PCLO: variants seen among roughly 807,000 people sequenced by gnomAD.
PCLO encodes protein piccolo.
PCLO carries 82 observed loss-of-function variants against 427.5 expected under a neutral mutation model. The ratio of observed to expected loss-of-function variants is 0.19; its 90% CI spans 0.16 to 0.23. The LOEUF (loss-of-function observed/expected upper bound fraction) is 0.23, where lower values mean the gene tolerates loss of function less well. PCLO is among the 10% of genes least tolerant of loss of function. The probability of loss-of-function intolerance (pLI) is 1.00; values close to 1 mark genes in which losing one functional copy is unlikely to be tolerated. For synonymous variants in PCLO, 2,357 were observed against 2,155.4 expected, an observed-to-expected ratio of 1.09 and a Z score of -2.59; for missense variants, 6,239 against 6,115.9, an observed-to-expected ratio of 1.02 and a Z score of -0.67.
intron 3 of PCLO, among the ~76,000 whole-genome samples, chr7:83,077,275 G>C (rs1020610159): frequency 1.3e-5 from 2 of 152,002 alleles, no homozygotes; most frequent in African/African-American, 4.8e-5. Context: ...CTCTTTTCCA[G>C]CTTGTGTGAC....
At chr7:83,112,390 T>C (rs983970437) in intron 3 of PCLO, among the ~76,000 whole-genome samples, 1 of 152,112 alleles carries the variant, frequency 6.6e-6, no homozygotes, top group African/African-American at 2.4e-5. Context: ...AATAAACTAT[T>C]ATAACAATCT....
Position 82,847,132 on chromosome 7 carries a change from A to T in PCLO, c.13763+7T>A. On this transcript the variant is annotated splice_region_variant and intron_variant, in intron 11 of 24. Coordinates refer to ENST00000333891, the MANE Select transcript of PCLO (RefSeq NM_033026.6). The stretch of plus-strand genomic sequence containing the variant: ...AAATGGAAACAGAAAGATGGGGAAA[A>T]ACTCACAGTCTTACACATATTTCTG... The T allele has an allele frequency of 1.4e-6, 2 of 1,481,110 alleles. No homozygotes were observed. The highest frequency in any genetic ancestry group is 1.9e-6 in the Non-Finnish European group (2 of 1,065,930). 91.7% of individuals were successfully genotyped at this position (1,481,110 alleles called of 1,614,324 possible).
intron 3 of PCLO, among the ~76,000 whole-genome samples, chr7:83,090,450 AC>A (rs1790350767): frequency 6.6e-6 from 1 of 152,180 alleles, no homozygotes; most frequent in Non-Finnish European, 1.5e-5. Context: ...AAAGTTTTCA[AC>A]CAACAATAAA....
intron 4 of PCLO, among the ~76,000 whole-genome samples, chr7:82,960,671 T>G (rs1584224813): frequency 6.6e-6 from 1 of 152,306 alleles, no homozygotes; most frequent in East Asian, 1.9e-4. Flanking sequence ...AGGATTAATT[T>G]TAATGCTATT....
intron 9 of PCLO, among the ~76,000 whole-genome samples, chr7:82,886,712 T>C (rs1158102536): frequency 1.3e-5 from 2 of 152,160 alleles, no homozygotes; most frequent in African/African-American, 2.4e-5. Context: ...AGTTATTTAG[T>C]ACAGTTATTT....
chr7:83,135,632 A>G lies in PCLO; in HGVS notation c.1918T>C (p.Cys640Arg). The change falls in exon 3 of 25, where the codon TGT becomes CGT. Residue 640 changes from cysteine (C) to arginine (R), a missense_variant. Coordinates refer to ENST00000333891, the MANE Select transcript of PCLO (RefSeq NM_033026.6). ...TEVKEWLCLN[C>R]QMKRALGGDL... is the part of the protein sequence containing the mutation. ...CCGCCTAGAGCTCTTTTCATTTGACAGTTCAAACAGAGCCACTCTTTTACC... is the reference window on the plus strand; with the variant it reads ...CCGCCTAGAGCTCTTTTCATTTGACGGTTCAAACAGAGCCACTCTTTTACC... 6.2e-7 allele frequency: 1 copy of G among 1,604,370 alleles called. No individual in the cohort carries two copies. The highest frequency in any genetic ancestry group is 8.5e-7 in the Non-Finnish European group (1 of 1,174,780).
chr7:82,910,279 C>A (rs1351126121), intron 7 of PCLO, among the ~76,000 whole-genome samples: 2 of 152,068 alleles, frequency 1.3e-5, no homozygotes, highest in South Asian at 2.1e-4. Context: ...CTCCTCCCAA[C>A]CTTTTCCCCT....
chr7:82,985,941 T>C (rs1036300092), intron 3 of PCLO, among the ~76,000 whole-genome samples: 6 of 151,970 alleles, frequency 3.9e-5, no homozygotes, highest in African/African-American at 1.4e-4. Context: ...GAAACAAATA[T>C]TCATTTTAGT....
At position 82,956,796 on chromosome 7, in the gene PCLO, T is replaced by C. The variant is rs1393077132; in HGVS notation, c.4157A>G (p.Lys1386Arg). 6.2e-7 allele frequency: 1 copy of C among 1,613,560 alleles called. No individual in the cohort carries two copies. The highest frequency in any genetic ancestry group is 8.5e-7 in the Non-Finnish European group (1 of 1,179,652). ...CTTTTTGAGTCCCTTGAGAATATCC[T>C]TTTCATCAGTTGGAATAAGACTTGG... The part of the protein sequence containing the change: ...EIPSLIPTDE[K>R]DILKGLKKDS... Residue 1386 changes from lysine to arginine, a missense_variant, in exon 5 of 25, where the codon AAG (lysine) becomes AGG (arginine). Lys to Arg is a conservative substitution (Grantham distance 26). Transcript: ENST00000333891.
In PCLO at chr7:83,155,526, G is replaced by A. The variant is rs376013842; in HGVS notation, c.1115C>T (p.Pro372Leu). The change falls in exon 2 of 25, where the codon CCA becomes CTA. Residue 372 changes from proline (P) to leucine (L), a missense_variant. By Grantham distance (98) the Pro-to-Leu change is moderately conservative. This residue lies in a region of PCLO where 4,677 missense variants were observed against 4,468.4 expected (regional missense o/e 1.05). Coordinates refer to ENST00000333891, the MANE Select transcript of PCLO (RefSeq NM_033026.6). ...PAQPLGPAKPPAQQTGSEKPS... is the reference protein window; with the variant it reads ...PAQPLGPAKPLAQQTGSEKPS... Reference sequence around the variant, plus strand: ...CTTCTCTGACCCAGTCTGCTGAGCTGGAGGCTTAGCAGGACCAAGAGGCTG... The same window carrying A: ...CTTCTCTGACCCAGTCTGCTGAGCTAGAGGCTTAGCAGGACCAAGAGGCTG... The A allele has an allele frequency of 7.4e-6, 12 of 1,612,646 alleles. No individual in the cohort carries two copies. The highest frequency in any genetic ancestry group is 1.7e-5 in the Admixed American group (1 of 59,850).
chr7:82,965,131 T>C (rs934843793), intron 4 of PCLO, among the ~76,000 whole-genome samples: 10 of 152,164 alleles, frequency 6.6e-5, no homozygotes, highest in African/African-American at 2.4e-4. Context: ...GAAAAGAATA[T>C]TTTTCCAAAT....
chr7:82,785,218 C>T (rs1185039170), intron 22 of PCLO, among the ~76,000 whole-genome samples: 4 of 152,058 alleles, frequency 2.6e-5, no homozygotes, highest in African/African-American at 9.7e-5. Context: ...ACTGTTTCAT[C>T]TCAGATCATC....
chr7:82,849,982 T>C (rs1165233187), intron 10 of PCLO, among the ~76,000 whole-genome samples: 1 of 150,190 alleles, frequency 6.7e-6, no homozygotes, highest in Non-Finnish European at 1.5e-5. Context: ...TCCTTGAAAG[T>C]ACCTATTTAA....
intron 3 of PCLO, among the ~76,000 whole-genome samples, chr7:83,056,350 C>T (rs1416800575): frequency 6.6e-6 from 1 of 152,092 alleles, no homozygotes. Context: ...GAATAACAGA[C>T]AACAAACAGA....
chr7:82,952,231 T>C lies in PCLO; in HGVS notation c.8722A>G (p.Thr2908Ala). The C allele has an allele frequency of 6.2e-7, 1 of 1,613,924 alleles. No individual in the cohort carries two copies. Among genetic ancestry groups the C allele is most frequent in the Non-Finnish European group, 8.5e-7 (1 of 1,179,846 alleles). The change falls in exon 5 of 25, where the codon ACA (threonine) becomes GCA (alanine). Residue 2908 changes from threonine to alanine, a missense_variant. Physicochemically the swap from Thr to Ala is moderately conservative, Grantham distance 58. Around this residue, in one of 5 missense-constraint regions of PCLO, gnomAD observed 4,677 missense variants for 4,468.4 expected, o/e 1.05. Transcript: ENST00000333891. Reference protein sequence around the residue: ...VDLSTTKSHRTVVTMDESTSS... With the variant: ...VDLSTTKSHRAVVTMDESTSS... ...GTAGACTCATCCATTGTTACGACTGTTCTGTGAGACTTGGTTGTACTGAGA... is the reference window on the plus strand; with the variant it reads ...GTAGACTCATCCATTGTTACGACTGCTCTGTGAGACTTGGTTGTACTGAGA...
chr7:82,940,426 T>C (rs1795054766), intron 6 of PCLO, among the ~76,000 whole-genome samples: 1 of 152,208 alleles, frequency 6.6e-6, no homozygotes. Context: ...TACTTTCTAA[T>C]GGATCAGAAA....
Position 82,966,426 on chromosome 7 carries a change from T to C in PCLO, c.3362A>G (p.Asp1121Gly), listed in dbSNP as rs28680905. ...TQRAISGQLG[D>G]IRKMPPAPSG... ...TGGTGCAGGTGGCATTTTGCGTATGTCTCCAAGCTGTCCTGATATTGCTCT... is the reference window on the plus strand; with the variant it reads ...TGGTGCAGGTGGCATTTTGCGTATGCCTCCAAGCTGTCCTGATATTGCTCT... Residue 1121 changes from aspartate (D) to glycine (G), a missense_variant, in exon 4 of 25, where the codon GAC becomes GGC. Physicochemically the swap from Asp to Gly is moderately conservative, Grantham distance 94. Around this residue, in one of 5 missense-constraint regions of PCLO, gnomAD observed 4,677 missense variants for 4,468.4 expected, o/e 1.05. Transcript: ENST00000333891. The C allele has an allele frequency of 9.0e-3, 14,529 of 1,611,500 alleles. 1,239 individuals are homozygous for C. In the African/African-American group the frequency reaches 0.17, roughly 19 times the overall value.
rs267601594 is a variant in PCLO at position 82,953,038 on chromosome 7, A to C, written c.7915T>G (p.Phe2639Val). ...VEIPISSEQTFYISGALQTFS... is the reference protein window; with the variant it reads ...VEIPISSEQTVYISGALQTFS... ...GTCTGTAAAGCTCCAGAGATGTAGAAGGTCTGTTCTGAAGAAATTGGAATT... is the reference window on the plus strand; with the variant it reads ...GTCTGTAAAGCTCCAGAGATGTAGACGGTCTGTTCTGAAGAAATTGGAATT... Residue 2639 changes from phenylalanine to valine, a missense_variant, in exon 5 of 25, where the codon TTC becomes GTC. By Grantham distance (50) the Phe-to-Val change is conservative. Coordinates refer to ENST00000333891, the MANE Select transcript of PCLO (RefSeq NM_033026.6). 6.2e-7 allele frequency: 1 copy of C among 1,613,990 alleles called. No homozygotes were observed. The highest frequency in any genetic ancestry group is 1.7e-5 in the Admixed American group (1 of 60,020).
chr7:82,801,687 G>T, intron 21 of PCLO, 96 bp from the exon 22 acceptor site: 2 of 698,560 alleles, frequency 2.9e-6, no homozygotes, highest in Non-Finnish European at 4.9e-6. Context: ...TGATAGTAAT[G>T]GCAAAACCTG....
Sources: allele counts gnomAD v4.1 joint callset (sites outside exome capture counted in the v4.1 genomes callset), GRCh38; gene constraint gnomAD v4.1.1; regional missense constraint gnomAD v4.1.1; transcripts MANE v1.5; gene names NCBI Gene and HGNC (gene_info 2026-07-23, HGNC 2026-07-21).